Variants in ACYP2 observed in about 807,000 individuals in gnomAD.
The protein encoded by ACYP2 is acylphosphatase 2.
In ACYP2, 12 loss-of-function variants were observed where a neutral mutation model predicts 11.2. The ratio of observed to expected loss-of-function variants is 1.08; its 90% CI spans 0.69 to 1.74. ACYP2 has a LOEUF of 1.74. Ranked by LOEUF, ACYP2 falls within the 40% of genes most tolerant of loss-of-function variation. The pLI is 0.00. For missense variants in ACYP2, 134 were observed against 101.9 expected, an observed-to-expected ratio of 1.31 and a Z score of -1.35; for synonymous variants, 43 against 32.2, an observed-to-expected ratio of 1.33 and a Z score of -1.13.
intron 6 of ACYP2, among the ~76,000 whole-genome samples, chr2:54,171,203 CGCT>C (rs1683207773): frequency 6.6e-6 from 1 of 152,156 alleles, no homozygotes; most frequent in African/African-American, 2.4e-5. Context: ...CAAAGGTTCA[CGCT>C]GGCCTTCCTT....
intron 6 of ACYP2, among the ~76,000 whole-genome samples, chr2:54,284,286 C>T (rs558386087): frequency 3.3e-5 from 5 of 152,212 alleles, no homozygotes; most frequent in Non-Finnish European, 7.3e-5. Context: ...ACTGCACTTT[C>T]TCCCATGGAG....
intron 6 of ACYP2, chr2:54,256,020 C>T: frequency 6.2e-7 from 1 of 1,614,176 alleles, no homozygotes; most frequent in Non-Finnish European, 8.5e-7. Flanking sequence ...CGATTGGCTC[C>T]AAGCGGCCAT....
chr2:54,017,014 C>T (rs540734457), intron 2 of ACYP2, among the ~76,000 whole-genome samples: 10 of 148,684 alleles, frequency 6.7e-5, no homozygotes, highest in South Asian at 2.1e-4. Context: ...CGTGAGCCTC[C>T]GCGCCCGGCC....
chr2:54,113,020 G>A (rs993344900), intron 4 of ACYP2, among the ~76,000 whole-genome samples: 10 of 152,054 alleles, frequency 6.6e-5, no homozygotes, highest in African/African-American at 1.9e-4. Context: ...ATAGTTGTCC[G>A]TTGTTATCTG....
chr2:54,011,924 A>G (rs1480509926), intron 2 of ACYP2, among the ~76,000 whole-genome samples: 1 of 152,190 alleles, frequency 6.6e-6, no homozygotes, highest in African/African-American at 2.4e-5. Context: ...AACTGTACCT[A>G]TGAACATTTC....
At chr2:53,984,371 A>T (rs995425814) in intron 2 of ACYP2, among the ~76,000 whole-genome samples, 1 of 152,006 alleles carries the variant, frequency 6.6e-6, no homozygotes, top group Admixed American at 6.6e-5. Flanking sequence ...TGAGGTCAGA[A>T]GTTTGAGACT....
chr2:54,118,177 C>T (rs768617153), intron 4 of ACYP2, among the ~76,000 whole-genome samples: 4 of 152,190 alleles, frequency 2.6e-5, no homozygotes, highest in Admixed American at 6.5e-5. Context: ...ATTCCCTGAA[C>T]ATTATGCATG....
chr2:54,104,166 A>T (rs1357348181), intron 4 of ACYP2, among the ~76,000 whole-genome samples: 4 of 152,236 alleles, frequency 2.6e-5, no homozygotes, highest in Admixed American at 1.3e-4. Context: ...ATGTAGAATT[A>T]GGATTCTGAT....
intron 6 of ACYP2, among the ~76,000 whole-genome samples, chr2:54,198,787 G>A (rs1019327014): frequency 6.6e-6 from 1 of 152,100 alleles, no homozygotes; most frequent in Non-Finnish European, 1.5e-5. Context: ...TGATATTACC[G>A]AACTTACATT....
chr2:54,010,596 A>C (rs1321071991), intron 2 of ACYP2, among the ~76,000 whole-genome samples: 1 of 152,118 alleles, frequency 6.6e-6, no homozygotes, highest in Admixed American at 6.6e-5. Flanking sequence ...CCATGTCCCC[A>C]TAAAAATTTT....
chr2:54,232,750 G>C (rs115866082), intron 6 of ACYP2, among the ~76,000 whole-genome samples: 3 of 152,146 alleles, frequency 2.0e-5, no homozygotes, highest in Admixed American at 2.0e-4. Context: ...ATGGCGGCAA[G>C]AGAGGGAGAG....
chr2:54,105,096 C>T (rs548338227), intron 4 of ACYP2, among the ~76,000 whole-genome samples: 167 of 152,160 alleles, frequency 1.1e-3, no homozygotes, highest in African/African-American at 3.8e-3. Context: ...AGGAAATTTC[C>T]CCCCAGGAAA....
At chr2:54,176,446 G>A (rs1683463784) in intron 6 of ACYP2, among the ~76,000 whole-genome samples, 1 of 152,344 alleles carries the variant, frequency 6.6e-6, no homozygotes, top group Non-Finnish European at 1.5e-5. Context: ...CATACCAGCT[G>A]TGGACTGCTG....
intron 6 of ACYP2, among the ~76,000 whole-genome samples, chr2:54,291,306 G>T (rs1027956869): frequency 3.3e-5 from 5 of 152,088 alleles, no homozygotes; most frequent in African/African-American, 1.2e-4. Context: ...CTTCAATGTT[G>T]GTTGGGATGC....
chr2:54,077,507 C>T (rs75447473), intron 4 of ACYP2, among the ~76,000 whole-genome samples: 7,658 of 152,224 alleles, frequency 0.05, 254 homozygotes, highest in Non-Finnish European at 0.064. Flanking sequence ...TATTGCAGCA[C>T]GGCTGCTGGA....
In ACYP2 at chr2:54,065,078, C is replaced by T. The variant is rs567467009; in HGVS notation, c.277+7718C>T. On this transcript the variant is annotated intron_variant, in intron 4 of 6. Coordinates refer to ENST00000607452, the MANE Select transcript of ACYP2 (RefSeq NM_001320586.2). ...CAGCCTGGGTGACAGAGTGAGACTC[C>T]ATCTCTAAATAAATAAATAAATAAA... 1.2e-4 allele frequency among the ~76,000 whole-genome samples: 17 copies of T among 142,568 alleles called. No individual in the cohort carries two copies. The South Asian group carries it at 3.4e-3, about 28-fold the overall frequency. 93.5% of individuals were successfully genotyped at this position (142,568 alleles called of 152,430 possible).
chr2:54,238,171 T>C (rs1438432097), intron 6 of ACYP2, among the ~76,000 whole-genome samples: 1 of 152,214 alleles, frequency 6.6e-6, no homozygotes, highest in Non-Finnish European at 1.5e-5. Context: ...CCCATATTGT[T>C]CTCTAACTCT....
At chr2:54,296,344 T>C (rs1424229697) in intron 6 of ACYP2, among the ~76,000 whole-genome samples, 1 of 152,232 alleles carries the variant, frequency 6.6e-6, no homozygotes, top group Non-Finnish European at 1.5e-5. Flanking sequence ...ATGCCATCTG[T>C]ACTCAAGAAT....
chr2:54,013,206 C>A (rs138924990), intron 2 of ACYP2, among the ~76,000 whole-genome samples: 1 of 120,544 alleles, frequency 8.3e-6, no homozygotes, highest in Admixed American at 1.0e-4. Context: ...AATTTCTGTT[C>A]CCTTCCCCTG....
Sources: allele counts gnomAD v4.1 joint callset (sites outside exome capture counted in the v4.1 genomes callset), GRCh38; gene constraint gnomAD v4.1.1; transcripts MANE v1.5; gene names NCBI Gene and HGNC (gene_info 2026-07-23, HGNC 2026-07-21).